Variants in NUCB2 observed in about 807,000 individuals in gnomAD.
NUCB2 encodes the protein nucleobindin-2.
Under a neutral mutation model 57.9 loss-of-function variants are expected in NUCB2, and 48 were observed. The observed-to-expected ratio is 0.83, with a 90% confidence interval of 0.66 to 1.05. NUCB2 has a LOEUF of 1.05. Among genes scored for constraint, NUCB2 ranks in the 50% least tolerant of loss-of-function variants. The probability of loss-of-function intolerance (pLI) is 0.00; values close to 1 mark genes in which losing one functional copy is unlikely to be tolerated. For synonymous variants in NUCB2, 139 were observed against 152.1 expected, an observed-to-expected ratio of 0.91 and a Z score of 0.64; for missense variants, 442 against 476.2, an observed-to-expected ratio of 0.93 and a Z score of 0.67.
chr11:17,283,632 T>C (rs1807168444), intron 2 of NUCB2: 1 of 152,236 alleles, frequency 6.6e-6, no homozygotes, highest in Admixed American at 6.5e-5. Flanking sequence ...CTGTCTTATT[T>C]GTGGATTTGT....
chr11:17,334,390 AC>A (rs563879822), downstream of NUCB2: 73 of 152,356 alleles, frequency 4.8e-4, no homozygotes, highest in African/African-American at 1.6e-3. Context: ...CCAGAGCCAC[AC>A]CACCTCTGCC....
At chr11:17,341,040 T>G (rs1271561846) in intron 2 of NUCB2, among the ~76,000 whole-genome samples, 1 of 152,240 alleles carries the variant, frequency 6.6e-6, no homozygotes, top group African/African-American at 2.4e-5. Flanking sequence ...TTCACGTCCC[T>G]TGTAAGTTGG....
chr11:17,318,170 A>G (rs908978942), intron 11 of NUCB2, among the ~76,000 whole-genome samples: 3 of 151,276 alleles, frequency 2.0e-5, no homozygotes, highest in East Asian at 1.9e-4. Context: ...ATGCACCACC[A>G]TGCCTGGATC....
At chr11:17,331,025 A>AT (rs745376440) in intron 13 of NUCB2, 42 bp downstream of exon 13, 30 of 1,173,802 alleles carry the variant, frequency 2.6e-5, no homozygotes, top group Admixed American at 2.6e-4. Flanking sequence ...AAAATAAATT[A>AT]TTTTATCAAT....
intron 3 of NUCB2, 107 bp from the exon 4 acceptor site, chr11:17,295,997 T>C (rs1945762170): frequency 3.6e-6 from 2 of 555,476 alleles, no homozygotes; most frequent in African/African-American, 1.9e-5. Flanking sequence ...TCAAAGTAAA[T>C]ATGTCTTAAT....
At chr11:17,287,401 G>A (rs1370022674) in intron 2 of NUCB2, among the ~76,000 whole-genome samples, 1 of 152,102 alleles carries the variant, frequency 6.6e-6, no homozygotes, top group East Asian at 1.9e-4. Context: ...GCCGGGCGTG[G>A]TGGCTCACAC....
chr11:17,316,864 G>T (rs1949320074), intron 11 of NUCB2, among the ~76,000 whole-genome samples: 1 of 152,186 alleles, frequency 6.6e-6, no homozygotes. Context: ...GTTTACCCAG[G>T]ACTGAGGAAT....
At chr11:17,314,921 AT>A (rs1949023107) in intron 10 of NUCB2, among the ~76,000 whole-genome samples, 1 of 152,104 alleles carries the variant, frequency 6.6e-6, no homozygotes, top group African/African-American at 2.4e-5. Flanking sequence ...TTTAGTTTTG[AT>A]TTTGGTAATT....
At chr11:17,289,906 A>G (rs1944635099) in intron 2 of NUCB2, among the ~76,000 whole-genome samples, 1 of 152,202 alleles carries the variant, frequency 6.6e-6, no homozygotes, top group South Asian at 2.1e-4. Flanking sequence ...GCTTCTGTTC[A>G]GTATTTTCAG....
chr11:17,295,692 C>A (rs1330593314), intron 3 of NUCB2: 1 of 481,580 alleles, frequency 2.1e-6, no homozygotes, highest in Non-Finnish European at 3.6e-6. Flanking sequence ...TACCATTACA[C>A]AATATTTATT....
intron 11 of NUCB2, among the ~76,000 whole-genome samples, chr11:17,318,276 CA>C (rs1949550320): frequency 6.6e-6 from 1 of 151,614 alleles, no homozygotes; most frequent in Non-Finnish European, 1.5e-5. Flanking sequence ...CTTGGCCTCC[CA>C]AAGTACTGGG....
intron 2 of NUCB2, among the ~76,000 whole-genome samples, chr11:17,288,680 G>A (rs1204661709): frequency 3.3e-5 from 5 of 149,412 alleles, no homozygotes; most frequent in Admixed American, 6.7e-5. Flanking sequence ...TCAGCCTCCC[G>A]GGTAGCTGGG....
Position 17,311,045 on chromosome 11 carries a change from TAA to T in NUCB2, c.669+37_669+38del, listed in dbSNP as rs753893643. 26 of 1,512,802 alleles carry T rather than the reference TAA, an allele frequency of 1.7e-5. 3 individuals are homozygous for T. In the South Asian group the frequency reaches 3.3e-4, roughly 19 times the overall value. The allele number at this position is 1,512,802 out of a possible 1,614,324, so 93.7% of individuals were successfully genotyped here. A position where few individuals can be genotyped will look rare whatever the true frequency, so the allele number is the denominator to read the frequency against. ...GTGACTTTATGAAACCATTTTTAGA[TAA>T]AGATACTTCTTCGTATCAGCGGATT... On this transcript the variant is annotated intron_variant, in intron 7 of 13. Transcript: ENST00000529010.
At chr11:17,311,120 TC>T (rs932577544) in intron 7 of NUCB2, 72 bp from the exon 8 acceptor site, 14 of 1,442,292 alleles carry the variant, frequency 9.7e-6, no homozygotes, top group Non-Finnish European at 1.3e-5. Context: ...GCCAAGTTCC[TC>T]AAATTTATAT....
At chr11:17,328,152 C>T (rs1365886713) in intron 11 of NUCB2, among the ~76,000 whole-genome samples, 1 of 152,220 alleles carries the variant, frequency 6.6e-6, no homozygotes, top group Non-Finnish European at 1.5e-5. Flanking sequence ...CTTAAAAGTA[C>T]CACCTTGGTG....
At chr11:17,328,998 C>G (rs538983166) in intron 11 of NUCB2, among the ~76,000 whole-genome samples, 1 of 152,288 alleles carries the variant, frequency 6.6e-6, no homozygotes, top group South Asian at 2.1e-4. Context: ...GGGCTCTTTA[C>G]TTAGCAAGTG....
chr11:17,280,911 C>T lies in NUCB2; in HGVS notation c.-155-1878C>T, dbSNP rs188478185. ...TAAAAACTAGCTGGGCGTGGTGGTGCGTGCCTGTAGTTCCAGCTACTCTGG... is the reference window on the plus strand; with the variant it reads ...TAAAAACTAGCTGGGCGTGGTGGTGTGTGCCTGTAGTTCCAGCTACTCTGG... On this transcript the variant is annotated intron_variant, in intron 1 of 13. Coordinates refer to ENST00000529010, the MANE Select transcript of NUCB2 (RefSeq NM_005013.4). Among the ~76,000 whole-genome samples, 45 of 152,100 alleles carry T rather than the reference C, an allele frequency of 3.0e-4. No homozygotes were observed. The East Asian group carries it at 7.2e-3, about 24-fold the overall frequency.
At chr11:17,281,609 G>A in intron 1 of NUCB2, among the ~76,000 whole-genome samples, 1 of 152,106 alleles carries the variant, frequency 6.6e-6, no homozygotes, top group East Asian at 1.9e-4. Context: ...AGAGGTATGA[G>A]CTCAGTTTTC....
chr11:17,327,897 C>G (rs1409025477), intron 11 of NUCB2, among the ~76,000 whole-genome samples: 1 of 152,260 alleles, frequency 6.6e-6, no homozygotes, highest in South Asian at 2.1e-4. Flanking sequence ...TCTGAAAGGT[C>G]ATATATCTCT....
Sources: gnomAD v4.1 joint callset for allele counts (sites outside exome capture counted in the v4.1 genomes callset) on GRCh38, gnomAD v4.1.1 for gene constraint, MANE v1.5 for transcripts, NCBI Gene and HGNC (gene_info 2026-07-23, HGNC 2026-07-21) for gene names.